NSD2: variants seen among roughly 807,000 people sequenced by gnomAD.
The protein encoded by NSD2 is histone-lysine N-methyltransferase NSD2.
Under a neutral mutation model 139.0 loss-of-function variants are expected in NSD2, and 12 were observed. The ratio of observed to expected loss-of-function variants is 0.09; its 90% CI spans 0.06 to 0.14. The LOEUF is 0.14. NSD2 is among the 10% of genes least tolerant of loss of function. The probability of loss-of-function intolerance (pLI) is 1.00; values close to 1 mark genes in which losing one functional copy is unlikely to be tolerated. For missense variants in NSD2, 1,155 were observed against 1,745.0 expected, an observed-to-expected ratio of 0.66 and a Z score of 6.02; for synonymous variants, 669 against 648.7, an observed-to-expected ratio of 1.03 and a Z score of -0.48.
Position 1,981,534 on chromosome 4 carries a change from G to A in NSD2, c.*2625G>A. ...TGCACCTAAACCCATACCCACCCGT[G>A]TGCGCCCACAGGGGGATGTGTCCGA... On this transcript the variant is annotated 3_prime_UTR_variant, in exon 22 of 22. Transcript: ENST00000508803. 1 of 292,164 alleles carries A rather than the reference G, an allele frequency of 3.4e-6. No individual in the cohort carries two copies. Among genetic ancestry groups the A allele is most frequent in the Non-Finnish European group, 6.3e-6 (1 of 158,084 alleles). The allele number at this position is 292,164 out of a possible 1,614,324, so 18.1% of individuals were successfully genotyped here. A position where few individuals can be genotyped will look rare whatever the true frequency, so the allele number is the denominator to read the frequency against.
At chr4:1,881,420 G>A (rs1179352160) in intron 1 of NSD2, among the ~76,000 whole-genome samples, 3 of 152,082 alleles carry the variant, frequency 2.0e-5, no homozygotes, top group Admixed American at 2.0e-4. Flanking sequence ...ACGCTGCCAC[G>A]CCCGGTTGAT....
chr4:1,938,512 C>T lies in NSD2; in HGVS notation c.1736C>T (p.Ser579Phe). 2.5e-6 allele frequency: 4 copies of T among 1,600,362 alleles called. No homozygotes were observed. The highest frequency in any genetic ancestry group is 2.6e-6 in the Non-Finnish European group (3 of 1,174,078). Residue 579 changes from serine to phenylalanine, a missense_variant, in exon 8 of 22, where the codon TCC (serine) becomes TTC (phenylalanine). Physicochemically the swap from Ser to Phe is radical, Grantham distance 155. This residue lies in a region of NSD2 where 420 missense variants were observed against 469.0 expected (regional missense o/e 0.90). Coordinates refer to ENST00000508803, the MANE Select transcript of NSD2 (RefSeq NM_001042424.3). ...TCTTACAAGGCCATGGAGGCAGCCT[C>T]CTCGCTCAAGAGCCAGGCAGGTAAT... ...TSSYKAMEAA[S>F]SLKSQAATKN... is the part of the protein sequence containing the mutation.
In NSD2 at chr4:1,875,480, A is replaced by G. The variant is rs143346723; in HGVS notation, c.-30+3938A>G. 1.2e-4 allele frequency among the ~76,000 whole-genome samples: 18 copies of G among 151,770 alleles called. 1 individual carries two copies. In the East Asian group the frequency reaches 3.5e-3, roughly 30 times the overall value. On this transcript the variant is annotated intron_variant, in intron 1 of 21. Transcript: ENST00000508803. ...TGTTTTATACAGACAGGATTTCACC[A>G]TGTTGCCCAGGCTGGTCATGAACTC...
intron 18 of NSD2, among the ~76,000 whole-genome samples, chr4:1,964,683 A>G (rs1725706167): frequency 6.6e-6 from 1 of 152,090 alleles, no homozygotes; most frequent in Admixed American, 6.6e-5. Context: ...CTCCCCCTCC[A>G]GCTGAAGTAT....
intron 5 of NSD2, among the ~76,000 whole-genome samples, chr4:1,926,003 A>G (rs1033068855): frequency 2.6e-5 from 4 of 151,456 alleles, no homozygotes; most frequent in Non-Finnish European, 4.4e-5. Context: ...AGGTCTTGCT[A>G]TGTTGCCCAA....
In NSD2 at chr4:1,956,138, G is replaced by A. The variant is rs756624618; in HGVS notation, c.2831G>A (p.Arg944Gln). Reference protein sequence around the residue: ...ARVFPYMEGDRGSRYQGVRGI... With the variant: ...ARVFPYMEGDQGSRYQGVRGI... ...GTGTTCCCGTACATGGAGGGGGACC[G>A]GGGCAGCCGCTACCAGGGGGTCAGA... Residue 944 changes from arginine (R) to glutamine (Q), a missense_variant, in exon 15 of 22, where the codon CGG becomes CAG. By Grantham distance (43) the Arg-to-Gln change is conservative. Around this residue, in one of 8 missense-constraint regions of NSD2, gnomAD observed 139 missense variants for 485.8 expected, o/e 0.29. Transcript: ENST00000508803. The surrounding 1 kb of genome is among the most constrained non-coding windows in gnomAD (Gnocchi z 5.3). 57 of 1,613,736 alleles carry A rather than the reference G, an allele frequency of 3.5e-5. No homozygotes were observed. The highest frequency in any genetic ancestry group is 4.3e-5 in the Non-Finnish European group (51 of 1,179,974).
chr4:1,896,195 C>T (rs757584356), intron 1 of NSD2, among the ~76,000 whole-genome samples: 4 of 152,226 alleles, frequency 2.6e-5, no homozygotes, highest in South Asian at 2.1e-4. Flanking sequence ...TCCTCTCCTT[C>T]GGGCTCTGTG....
intron 1 of NSD2, among the ~76,000 whole-genome samples, chr4:1,873,253 C>T (rs1714000996): frequency 6.6e-6 from 1 of 152,098 alleles, no homozygotes; most frequent in African/African-American, 2.4e-5. Flanking sequence ...ATTGTCCTCT[C>T]CTGACTGCAT....
At chr4:1,898,684 AAC>A (rs1205635227) in intron 1 of NSD2, among the ~76,000 whole-genome samples, 7 of 145,126 alleles carry the variant, frequency 4.8e-5, no homozygotes, top group African/African-American at 1.5e-4. Flanking sequence ...AAAAACAAAA[AAC>A]ACACTTTTTT....
intron 1 of NSD2, among the ~76,000 whole-genome samples, chr4:1,878,060 T>TA (rs1714391871): frequency 6.6e-6 from 1 of 150,674 alleles, no homozygotes; most frequent in Non-Finnish European, 1.5e-5. Context: ...AAGTATTATA[T>TA]ATATACACAC....
intron 15 of NSD2, among the ~76,000 whole-genome samples, chr4:1,957,524 G>T (rs1243619971): frequency 6.6e-6 from 1 of 151,492 alleles, no homozygotes; most frequent in East Asian, 1.9e-4. Flanking sequence ...CTGACCTCAG[G>T]TGATCCGCCT....
rs1187926582 is a variant in NSD2, at chr4:1,976,821, G to A, written c.3826+142G>A. The stretch of plus-strand genomic sequence containing the variant: ...CTCATGCAGCGAAGGCCCTGATCCA[G>A]GGTGGCAGAGCCTTTCTTTGTTCCA... On this transcript the variant is annotated intron_variant, in intron 21 of 21. Transcript: ENST00000508803. The surrounding 1 kb of genome is among the most constrained non-coding windows in gnomAD (Gnocchi z 5.3). The A allele has an allele frequency of 1.3e-5, 11 of 823,508 alleles. No individual in the cohort carries two copies. The highest frequency in any genetic ancestry group is 1.9e-5 in the Non-Finnish European group (10 of 539,070). The allele number at this position is 823,508 out of a possible 1,614,324, so 51.0% of individuals were successfully genotyped here.
At chr4:1,872,587 T>TGA (rs1308253764) in intron 1 of NSD2, among the ~76,000 whole-genome samples, 109 of 50,094 alleles carry the variant, frequency 2.2e-3, no homozygotes, top group African/African-American at 5.0e-3. Flanking sequence ...TGTGTGTGTG[T>TGA]GTGTGAGAGA....
chr4:1,946,654 C>T (rs1403989202), intron 9 of NSD2: 1 of 1,035,732 alleles, frequency 9.7e-7, no homozygotes, highest in Non-Finnish European at 1.2e-6. Context: ...CTTTGGGTAC[C>T]ATTTTTATTG....
chr4:1,971,582 G>A (rs1480978109), intron 18 of NSD2, among the ~76,000 whole-genome samples: 1 of 152,138 alleles, frequency 6.6e-6, no homozygotes, highest in Admixed American at 6.5e-5. Context: ...GCCCACAATA[G>A]TGCCGTGTAC....
chr4:1,875,845 C>G (rs376259565), intron 1 of NSD2, among the ~76,000 whole-genome samples: 2 of 151,010 alleles, frequency 1.3e-5, no homozygotes, highest in African/African-American at 4.9e-5. Context: ...GGAGGCGGAG[C>G]TTGCAGTGAG....
chr4:1,975,509 G>A (rs550531337), intron 20 of NSD2, 109 bp downstream of exon 20: 30 of 959,824 alleles, frequency 3.1e-5, no homozygotes, highest in South Asian at 2.2e-4. Flanking sequence ...GCTTGTTGCC[G>A]GGACAGGTGG....
intron 18 of NSD2, among the ~76,000 whole-genome samples, chr4:1,970,170 C>T (rs533599116): frequency 2.6e-5 from 4 of 152,258 alleles, no homozygotes; most frequent in Non-Finnish European, 4.4e-5. Context: ...TGGGCGACGT[C>T]GTAAGTAGGA....
rs1310266241 is a variant in NSD2 at position 1,951,443 on chromosome 4, T to TCCACAC, written c.2013+240_2013+241insCCACAC. Among the ~76,000 whole-genome samples, 318 of 101,076 alleles carry TCCACAC rather than the reference T, an allele frequency of 3.1e-3. 98 individuals are homozygous for TCCACAC. Among genetic ancestry groups the TCCACAC allele is most frequent in the East Asian group, 7.8e-3 (23 of 2,954 alleles). 66.3% of individuals were successfully genotyped at this position (101,076 alleles called of 152,430 possible). On this transcript the variant is annotated intron_variant, in intron 10 of 21. Transcript: ENST00000508803. ...TGAGATTTGTATACACATCATGTAATACACACACACACACACACACACACA... is the reference window on the plus strand; with the variant it reads ...TGAGATTTGTATACACATCATGTAATCCACACACACACACACACACACACACACACA...
Sources: allele counts gnomAD v4.1 joint callset (sites outside exome capture counted in the v4.1 genomes callset), GRCh38; gene constraint gnomAD v4.1.1; regional missense constraint gnomAD v4.1.1; non-coding constraint Gnocchi (gnomAD v3.1); transcripts MANE v1.5; gene names NCBI Gene and HGNC (gene_info 2026-07-23, HGNC 2026-07-21).